The following AFP variants were observed in gnomAD, a reference collection of about 807,000 sequenced individuals.
The protein encoded by AFP is alpha fetoprotein.
In AFP, 64 loss-of-function variants were observed where a neutral mutation model predicts 78.9. The ratio of observed to expected loss-of-function variants is 0.81; its 90% CI spans 0.66 to 1.00. The LOEUF (loss-of-function observed/expected upper bound fraction) is 1.00, where lower values mean the gene tolerates loss of function less well. Ranked by LOEUF, AFP falls within the 50% of genes least tolerant of loss-of-function variation. The pLI, the probability that AFP is intolerant of heterozygous loss-of-function variation, is 0.00. For missense variants in AFP, 689 were observed against 703.8 expected (o/e 0.98, Z 0.24); for synonymous variants, 254 against 243.8 (o/e 1.04, Z -0.39).
chr4:73,450,092 C>A lies in AFP; in HGVS notation c.1248C>A (p.Cys416Ter), dbSNP rs200050605. 33 of 1,613,484 alleles carry A rather than the reference C, an allele frequency of 2.0e-5. No individual in the cohort carries two copies. Among genetic ancestry groups the A allele is most frequent in the Non-Finnish European group, 2.8e-5 (33 of 1,179,656 alleles). ...QESQALAKRS[C>*]GLFQKLGEYY... ...GCCAAGCATTGGCAAAGCGAAGCTG[C>A]GGCCTCTTCCAGAAACTAGGAGAAT... is the stretch of plus-strand genomic sequence containing the variant. The change falls in exon 10 of 15, where the codon TGC (cysteine) becomes TGA (stop). Residue 416 changes from cysteine (C) to a stop codon, truncating the protein, a stop_gained. Transcript: ENST00000395792. LOFTEE classifies it high-confidence loss of function.
At chr4:73,440,836 G>A (rs764697394) in intron 4 of AFP, 23 bp downstream of exon 4, 1 of 1,601,928 alleles carries the variant, frequency 6.2e-7, no homozygotes, top group Non-Finnish European at 8.5e-7. Flanking sequence ...TTTAAAGGTA[G>A]ATGCAAACCT....
At chr4:73,450,906 C>A (rs1719973562) in intron 11 of AFP, among the ~76,000 whole-genome samples, 153 bp downstream of exon 11, 2 of 152,192 alleles carry the variant, frequency 1.3e-5, no homozygotes, top group Admixed American at 1.3e-4. Context: ...GGTGTGAGAA[C>A]CCAGCTCTGG....
At chr4:73,443,523 TG>T in intron 6 of AFP, 79 bp downstream of exon 6, 1 of 1,111,706 alleles carries the variant, frequency 9.0e-7, no homozygotes, top group Non-Finnish European at 1.4e-6. Flanking sequence ...TTTTTTTAAT[TG>T]TTGCTGTTTT....
chr4:73,452,752 C>A (rs1461907601), intron 12 of AFP, 128 bp downstream of exon 12: 2 of 807,068 alleles, frequency 2.5e-6, no homozygotes, highest in Admixed American at 2.0e-5. Context: ...ACTTAAAATG[C>A]CTTTGAAAAT....
chr4:73,447,264 T>C (rs574495480), intron 7 of AFP, among the ~76,000 whole-genome samples, 198 bp from the exon 8 acceptor site: 9 of 152,174 alleles, frequency 5.9e-5, no homozygotes, highest in Non-Finnish European at 1.0e-4. Context: ...TAAAATTATG[T>C]AATTTCTTCT....
At chr4:73,455,578 T>G in intron 14 of AFP, 53 bp from the exon 15 acceptor site, 2 of 676,140 alleles carry the variant, frequency 3.0e-6, no homozygotes, top group Non-Finnish European at 5.3e-6. Context: ...ACCAGTTACT[T>G]ACTGCACCTA....
chr4:73,436,874 C>T (rs1719524125), intron 1 of AFP, among the ~76,000 whole-genome samples: 1 of 151,868 alleles, frequency 6.6e-6, no homozygotes, highest in South Asian at 2.1e-4. Context: ...ATTTGACTTT[C>T]AGGACAGTTA....
At chr4:73,453,449 C>G (rs1191148819) in intron 12 of AFP, 5 of 314,726 alleles carry the variant, frequency 1.6e-5, no homozygotes, top group Non-Finnish European at 2.5e-5. Flanking sequence ...GTAGATAAGA[C>G]ACAGTTAAGA....
intron 5 of AFP, among the ~76,000 whole-genome samples, chr4:73,442,864 A>G (rs2149334003): frequency 6.6e-6 from 1 of 152,280 alleles, no homozygotes; most frequent in Admixed American, 6.5e-5. Flanking sequence ...CAAACTAGGA[A>G]AGAGGTTTAG....
At chr4:73,449,797 T>G (rs917194449) in intron 9 of AFP, among the ~76,000 whole-genome samples, 14 of 152,236 alleles carry the variant, frequency 9.2e-5, no homozygotes, top group Admixed American at 8.5e-4. Context: ...CAGAAAGAAC[T>G]GTAACCATTT....
intron 3 of AFP, among the ~76,000 whole-genome samples, chr4:73,438,942 GAACCACCA>G (rs767509483): frequency 6.6e-6 from 1 of 152,014 alleles, no homozygotes; most frequent in Non-Finnish European, 1.5e-5. Context: ...TTTCTTATGG[GAACCACCA>G]AATGGCAGAG....
chr4:73,450,487 T>C (rs935918830), intron 10 of AFP, 128 bp from the exon 11 acceptor site: 38 of 1,372,108 alleles, frequency 2.8e-5, no homozygotes, highest in Admixed American at 3.7e-5. Context: ...TCAAATACCA[T>C]GTAGATGAAA....
In AFP at chr4:73,447,472, T is replaced by A; in HGVS notation, c.854T>A (p.Met285Lys). The A allele has an allele frequency of 1.9e-6, 3 of 1,605,794 alleles. No individual in the cohort carries two copies. Among genetic ancestry groups the A allele is most frequent in the Non-Finnish European group, 2.6e-6 (3 of 1,176,062 alleles). The change falls in exon 8 of 15, where the codon ATG (methionine) becomes AAG (lysine). Residue 285 changes from methionine (M) to lysine (K), a missense_variant. Physicochemically the swap from Met to Lys is moderately conservative, Grantham distance 95. Transcript: ENST00000395792. The stretch of plus-strand genomic sequence containing the variant: ...TTTTCTCTGTTGCAGGAAAAAATCA[T>A]GTCCTACATATGTTCTCAACAAGAC... Reference protein sequence around the residue: ...LDCLQDGEKIMSYICSQQDTL... With the variant: ...LDCLQDGEKIKSYICSQQDTL...
intron 12 of AFP, 41 bp downstream of exon 12, chr4:73,452,665 C>A (rs1395855745): frequency 1.3e-6 from 2 of 1,495,670 alleles, no homozygotes; most frequent in African/African-American, 1.4e-5. Flanking sequence ...AGAATGACAA[C>A]CCCAAAGAGT....
Position 73,450,769 on chromosome 4 carries a change from G to A in AFP, c.1428+16G>A, listed in dbSNP as rs1322253914. 6.8e-6 allele frequency: 11 copies of A among 1,613,604 alleles called. No individual in the cohort carries two copies. The South Asian group carries it at 8.8e-5, about 13-fold the overall frequency. The stretch of plus-strand genomic sequence containing the variant: ...CGAGGGAGCGGTGAGTGTCTGCTTG[G>A]TTTGGTCCCATCTCATTTCTGCCCT... On this transcript the variant is annotated intron_variant, in intron 11 of 14. Transcript: ENST00000395792.
rs1719783460 is a variant in AFP, at chr4:73,445,176, T to C, written c.843+54T>C. ...GATTTTCACTCCCTTTTCTTTCTTTTTGTCTCATTCTAAAAGGGAGAAGGT... is the reference window on the plus strand; with the variant it reads ...GATTTTCACTCCCTTTTCTTTCTTTCTGTCTCATTCTAAAAGGGAGAAGGT... On this transcript the variant is annotated intron_variant, in intron 7 of 14. Coordinates refer to ENST00000395792, the MANE Select transcript of AFP (RefSeq NM_001134.3). The C allele has an allele frequency of 4.4e-6, 7 of 1,604,748 alleles. No homozygotes were observed. The South Asian group carries it at 6.6e-5, about 15-fold the overall frequency.
chr4:73,448,868 TC>T (rs1719905474), intron 8 of AFP, among the ~76,000 whole-genome samples: 1 of 152,160 alleles, frequency 6.6e-6, no homozygotes, highest in African/African-American at 2.4e-5. Context: ...TTGGGTATCA[TC>T]CTTTTTTCTC....
intron 2 of AFP, 44 bp downstream of exon 2, chr4:73,437,255 G>A (rs1719534831): frequency 1.3e-6 from 2 of 1,493,722 alleles, no homozygotes; most frequent in South Asian, 1.1e-5. Flanking sequence ...TGTAAAGCAA[G>A]GATAAGTAAA....
rs1284111366 is a variant in AFP at position 73,438,395 on chromosome 4, CA to C, written c.270+90del. The C allele has an allele frequency of 8.4e-6, 12 of 1,433,854 alleles. No individual in the cohort carries two copies. The Admixed American group carries it at 1.4e-4, about 17-fold the overall frequency. 88.8% of individuals were successfully genotyped at this position (1,433,854 alleles called of 1,614,324 possible). ...GATACAAAAATAGCAGTGAAAAATGCATTTATATATTTGAAGAGCTATTGTA... is the reference window on the plus strand; with the variant it reads ...GATACAAAAATAGCAGTGAAAAATGCTTTATATATTTGAAGAGCTATTGTA... On this transcript the variant is annotated intron_variant, in intron 3 of 14. Transcript: ENST00000395792.
Sources: gnomAD v4.1 joint callset for allele counts (sites outside exome capture counted in the v4.1 genomes callset) on GRCh38, gnomAD v4.1.1 for gene constraint, MANE v1.5 for transcripts, NCBI Gene and HGNC (gene_info 2026-07-23, HGNC 2026-07-21) for gene names.